Variants in SLC25A26 observed in about 807,000 individuals in gnomAD.
The protein encoded by SLC25A26 is solute carrier family 25 member 26.
Under a neutral mutation model 37.8 loss-of-function variants are expected in SLC25A26, and 36 were observed. The observed-to-expected ratio is 0.95, with a 90% CI of 0.73 to 1.26. The LOEUF (loss-of-function observed/expected upper bound fraction) is 1.26, where lower values mean the gene tolerates loss of function less well. Ranked by LOEUF, SLC25A26 falls within the 50% of genes most tolerant of loss-of-function variation. The pLI is 0.00. For missense variants in SLC25A26, 390 were observed against 331.1 expected (o/e 1.18, Z -1.38); for synonymous variants, 129 against 122.5 (o/e 1.05, Z -0.35).
At chr3:66,235,615 T>G (rs562899413) in intron 1 of SLC25A26, among the ~76,000 whole-genome samples, 11 of 152,342 alleles carry the variant, frequency 7.2e-5, no homozygotes, top group African/African-American at 1.9e-4. Context: ...AAAATTCCAG[T>G]CTGAAAGGAG....
At chr3:66,280,656 A>C (rs371201228) in intron 5 of SLC25A26, among the ~76,000 whole-genome samples, 4 of 152,166 alleles carry the variant, frequency 2.6e-5, no homozygotes, top group Admixed American at 2.6e-4. Context: ...ATGCATAGTA[A>C]CACCACCTTT....
intron 5 of SLC25A26, among the ~76,000 whole-genome samples, chr3:66,331,412 T>TA (rs958510050): frequency 6.6e-6 from 1 of 152,254 alleles, no homozygotes; most frequent in African/African-American, 2.4e-5. Context: ...TAATACCCTT[T>TA]AAAAAAATCC....
intron 5 of SLC25A26, chr3:66,324,135 A>C (rs1364941782): frequency 6.6e-5 from 8 of 122,006 alleles, no homozygotes; most frequent in Admixed American, 1.7e-4. Flanking sequence ...CTGGGCAATG[A>C]AAAAAAAGTG....
At chr3:66,266,413 TAGTG>T (rs2073751889) in intron 5 of SLC25A26, among the ~76,000 whole-genome samples, 1 of 152,162 alleles carries the variant, frequency 6.6e-6, no homozygotes, top group South Asian at 2.1e-4. Context: ...ATCAAAATCT[TAGTG>T]AGAATCACCT....
intron 5 of SLC25A26, among the ~76,000 whole-genome samples, chr3:66,296,359 CA>C (rs1263805038): frequency 1.3e-5 from 2 of 152,112 alleles, no homozygotes; most frequent in Non-Finnish European, 2.9e-5. Flanking sequence ...CAAACATGTT[CA>C]AAACTTTATC....
intron 7 of SLC25A26, 113 bp downstream of exon 7, chr3:66,363,042 G>A (rs759070697): frequency 2.7e-4 from 133 of 493,358 alleles, no homozygotes; most frequent in South Asian, 5.5e-4. Flanking sequence ...GATGAAGAGC[G>A]CTCCACTAGT....
At chr3:66,160,251 A>G (rs2070339173) in intron 1 of SLC25A26, among the ~76,000 whole-genome samples, 1 of 152,182 alleles carries the variant, frequency 6.6e-6, no homozygotes, top group Non-Finnish European at 1.5e-5. Flanking sequence ...CAGCATGCCA[A>G]AGTGCTGGGA....
chr3:66,219,130 G>T (rs1420407652), upstream of SLC25A26, among the ~76,000 whole-genome samples: 4 of 152,236 alleles, frequency 2.6e-5, no homozygotes, highest in Non-Finnish European at 5.9e-5. Flanking sequence ...ATTGGCACCA[G>T]GCAGTAGGTG....
intron 1 of SLC25A26, among the ~76,000 whole-genome samples, chr3:66,222,475 C>T (rs1553658929): frequency 6.6e-6 from 1 of 152,244 alleles, no homozygotes. Flanking sequence ...GCCACGGCGC[C>T]TGGCCAATGT....
intron 1 of SLC25A26, among the ~76,000 whole-genome samples, chr3:66,150,213 A>G (rs965662803): frequency 6.6e-6 from 1 of 151,918 alleles, no homozygotes; most frequent in Non-Finnish European, 1.5e-5. Context: ...AATATATAAC[A>G]TAGGCCGGGC....
chr3:66,169,412 C>T (rs890182779), intron 1 of SLC25A26, among the ~76,000 whole-genome samples: 3 of 152,112 alleles, frequency 2.0e-5, no homozygotes, highest in African/African-American at 7.2e-5. Flanking sequence ...CTTGAAGTGC[C>T]GTTTCTGAGT....
rs572808554 is a variant in SLC25A26 at position 66,368,165 on chromosome 3, G to A, written c.569-1313G>A. ...CTTCTTGTCCACAAGCCACAAAAGC[G>A]AGAAGGAAAGTAGTGCTATTTCTGG... is the stretch of plus-strand genomic sequence containing the variant. On this transcript the variant is annotated intron_variant, in intron 7 of 9. Coordinates refer to ENST00000354883, the MANE Select transcript of SLC25A26 (RefSeq NM_001379210.1). Among the ~76,000 whole-genome samples, 28 of 152,284 alleles carry A rather than the reference G, an allele frequency of 1.8e-4. 1 individual carries two copies. Among genetic ancestry groups the A allele is most frequent in the Admixed American group, 3.9e-4 (6 of 15,292 alleles).
At chr3:66,364,797 G>C (rs1268857425) in intron 7 of SLC25A26, among the ~76,000 whole-genome samples, 2 of 150,690 alleles carry the variant, frequency 1.3e-5, no homozygotes, top group Non-Finnish European at 2.9e-5. Context: ...GTACACAACA[G>C]TCTCCTCTAA....
chr3:66,289,427 G>A (rs967037582), intron 5 of SLC25A26, among the ~76,000 whole-genome samples: 2 of 152,130 alleles, frequency 1.3e-5, no homozygotes, highest in African/African-American at 2.4e-5. Context: ...TATTGCCTAG[G>A]TTTTCTTCTA....
chr3:66,281,371 C>G (rs1446327564), intron 5 of SLC25A26, among the ~76,000 whole-genome samples: 2 of 152,114 alleles, frequency 1.3e-5, no homozygotes, highest in Non-Finnish European at 2.9e-5. Flanking sequence ...AGTGATTATC[C>G]CATTCCCCAA....
At chr3:66,194,551 CT>C (rs1192631052) in intron 1 of SLC25A26, among the ~76,000 whole-genome samples, 6 of 152,234 alleles carry the variant, frequency 3.9e-5, no homozygotes, top group African/African-American at 1.4e-4. Context: ...GAAAGCATTA[CT>C]ATTAGCTTTC....
At chr3:66,172,334 C>T (rs1220911632) in intron 1 of SLC25A26, among the ~76,000 whole-genome samples, 1 of 141,990 alleles carries the variant, frequency 7.0e-6, no homozygotes, top group Non-Finnish European at 1.5e-5. Context: ...TTGCTTGGGC[C>T]CAGGAGGCTG....
chr3:66,237,920 T>G (rs1179497141), intron 2 of SLC25A26, among the ~76,000 whole-genome samples: 1 of 152,228 alleles, frequency 6.6e-6, no homozygotes, highest in African/African-American at 2.4e-5. Context: ...AGCATTCACA[T>G]AAAGGTTTGT....
chr3:66,343,968 G>A (rs886314699), intron 5 of SLC25A26, among the ~76,000 whole-genome samples: 1 of 152,098 alleles, frequency 6.6e-6, no homozygotes, highest in African/African-American at 2.4e-5. Context: ...ATGGAACTTC[G>A]ACATTCGGGG....
Sources: allele counts gnomAD v4.1 joint callset (sites outside exome capture counted in the v4.1 genomes callset), GRCh38; gene constraint gnomAD v4.1.1; transcripts MANE v1.5; gene names NCBI Gene and HGNC (gene_info 2026-07-23, HGNC 2026-07-21).